ENPP6: variants seen among roughly 807,000 people sequenced by gnomAD.
ENPP6 encodes ectonucleotide pyrophosphatase/phosphodiesterase 6.
In ENPP6, 32 loss-of-function variants were observed where a neutral mutation model predicts 42.0. The observed-to-expected ratio is 0.76, with a 90% CI of 0.58 to 1.02. ENPP6 has a LOEUF of 1.02. Ranked by LOEUF, ENPP6 falls within the 50% of genes least tolerant of loss-of-function variation. ENPP6 has a pLI of 0.00. For synonymous variants in ENPP6, 213 were observed against 216.0 expected, an observed-to-expected ratio of 0.99 and a Z score of 0.12; for missense variants, 552 against 566.8, an observed-to-expected ratio of 0.97 and a Z score of 0.27.
intron 1 of ENPP6, among the ~76,000 whole-genome samples, chr4:184,197,709 T>C (rs1379294478): frequency 6.6e-6 from 1 of 152,334 alleles, no homozygotes; most frequent in Admixed American, 6.5e-5. Flanking sequence ...GTGGATTTTG[T>C]TACATATTCC....
chr4:184,126,456 T>C (rs1335494954), intron 2 of ENPP6, among the ~76,000 whole-genome samples: 1 of 152,332 alleles, frequency 6.6e-6, no homozygotes, highest in East Asian at 1.9e-4. Context: ...AATTTTAATT[T>C]AAACAAACAT....
At chr4:184,117,490 T>C (rs1736339353) in intron 4 of ENPP6, among the ~76,000 whole-genome samples, 1 of 152,188 alleles carries the variant, frequency 6.6e-6, no homozygotes, top group Non-Finnish European at 1.5e-5. Flanking sequence ...ACCAAACTTA[T>C]TAGGAGTCCA....
At chr4:184,151,725 G>A (rs2111076249) in intron 2 of ENPP6, among the ~76,000 whole-genome samples, 1 of 152,116 alleles carries the variant, frequency 6.6e-6, no homozygotes, top group East Asian at 1.9e-4. Context: ...GTATGAATTT[G>A]TTGATAATAA....
intron 1 of ENPP6, among the ~76,000 whole-genome samples, chr4:184,173,232 G>C (rs1321929418): frequency 1.3e-5 from 2 of 152,136 alleles, no homozygotes; most frequent in African/African-American, 4.8e-5. Flanking sequence ...GTGTTCATTG[G>C]AGCCTTGGAC....
intron 6 of ENPP6, among the ~76,000 whole-genome samples, chr4:184,109,838 T>A (rs967932975): frequency 2.1e-5 from 3 of 145,792 alleles, no homozygotes; most frequent in Admixed American, 2.0e-4. Flanking sequence ...TCTGATTTAT[T>A]CAGACAAACG....
At chr4:184,172,930 T>C (rs1737493481) in intron 1 of ENPP6, among the ~76,000 whole-genome samples, 1 of 152,170 alleles carries the variant, frequency 6.6e-6, no homozygotes, top group Admixed American at 6.5e-5. Context: ...TGTGTTTTAA[T>C]TGAGATGAAG....
intron 2 of ENPP6, among the ~76,000 whole-genome samples, chr4:184,136,949 T>C (rs1736738884): frequency 6.6e-6 from 1 of 152,358 alleles, no homozygotes; most frequent in African/African-American, 2.4e-5. Context: ...ATCCCGCATG[T>C]CTCTTACATT....
At position 184,110,423 on chromosome 4, in the gene ENPP6, G is replaced by A. The variant is rs148744525; in HGVS notation, c.993+2249C>T. Among the ~76,000 whole-genome samples, 713 of 152,306 alleles carry A rather than the reference G, an allele frequency of 4.7e-3. 8 individuals are homozygous for A. The highest frequency in any genetic ancestry group is 0.014 in the Middle Eastern group (4 of 294). Reference sequence around the variant, plus strand: ...TTATGCACCAAGGCTCCTCATGTGTGTGAACTTCTTCCAAATCCCTGTACC... The same window carrying A: ...TTATGCACCAAGGCTCCTCATGTGTATGAACTTCTTCCAAATCCCTGTACC... On this transcript the variant is annotated intron_variant, in intron 6 of 7. Coordinates refer to ENST00000296741, the MANE Select transcript of ENPP6 (RefSeq NM_153343.4).
chr4:184,099,061 G>A (rs1735957662), intron 6 of ENPP6, among the ~76,000 whole-genome samples: 1 of 152,166 alleles, frequency 6.6e-6, no homozygotes, highest in African/African-American at 2.4e-5. Flanking sequence ...GATACCATTT[G>A]CCCCATTTTG....
At chr4:184,160,913 A>T (rs372314012) in intron 1 of ENPP6, among the ~76,000 whole-genome samples, 1 of 152,222 alleles carries the variant, frequency 6.6e-6, no homozygotes, top group Non-Finnish European at 1.5e-5. Context: ...GGTGAATTTT[A>T]TTGGGGATTC....
intron 1 of ENPP6, among the ~76,000 whole-genome samples, chr4:184,185,997 G>A (rs1471557573): frequency 3.3e-5 from 5 of 152,180 alleles, no homozygotes; most frequent in African/African-American, 9.7e-5. Flanking sequence ...AGGATTTAGC[G>A]GTGAAGTGTC....
At chr4:184,134,220 G>C (rs10003995) in intron 2 of ENPP6, among the ~76,000 whole-genome samples, 96,904 of 151,560 alleles carry the variant, frequency 0.64, 31,309 homozygotes, top group Non-Finnish European at 0.68. Flanking sequence ...CTCTGGGGAT[G>C]TTCTTGCCTC....
At position 184,106,003 on chromosome 4, in the gene ENPP6, G is replaced by T. The variant is rs1736083811; in HGVS notation, c.993+6669C>A. Among the ~76,000 whole-genome samples the T allele has an allele frequency of 2.0e-5, 3 of 151,542 alleles. No individual in the cohort carries two copies. The South Asian group carries it at 6.3e-4, about 32-fold the overall frequency. Reference sequence around the variant, plus strand: ...ATCCTCCCCTGTAAAAATTCCCTGTGGTTTCCCACTGAACTTAAGATCAAA... The same window carrying T: ...ATCCTCCCCTGTAAAAATTCCCTGTTGTTTCCCACTGAACTTAAGATCAAA... On this transcript the variant is annotated intron_variant, in intron 6 of 7. Transcript: ENST00000296741.
intron 6 of ENPP6, among the ~76,000 whole-genome samples, chr4:184,106,554 G>A (rs935629221): frequency 1.3e-5 from 2 of 151,872 alleles, no homozygotes; most frequent in Non-Finnish European, 2.9e-5. Context: ...TCCTCTTCCC[G>A]CCTGACCACT....
At chr4:184,209,976 C>T (rs1380259433) in intron 1 of ENPP6, among the ~76,000 whole-genome samples, 1 of 143,344 alleles carries the variant, frequency 7.0e-6, no homozygotes, top group African/African-American at 2.7e-5. Context: ...ATTTCATATC[C>T]AGCCAAACTA....
At chr4:184,183,581 C>A (rs1283452157) in intron 1 of ENPP6, among the ~76,000 whole-genome samples, 1 of 152,198 alleles carries the variant, frequency 6.6e-6, no homozygotes, top group Admixed American at 6.5e-5. Context: ...CCCACTAGGT[C>A]AGTGGTGTTC....
At chr4:184,171,007 G>A (rs1034655382) in intron 1 of ENPP6, among the ~76,000 whole-genome samples, 11 of 152,220 alleles carry the variant, frequency 7.2e-5, no homozygotes, top group African/African-American at 2.2e-4. Flanking sequence ...ATTGAAGTGA[G>A]GGGGTGGATC....
intron 1 of ENPP6, among the ~76,000 whole-genome samples, chr4:184,183,427 A>C (rs1355626917): frequency 1.3e-5 from 2 of 152,188 alleles, no homozygotes; most frequent in Admixed American, 6.5e-5. Flanking sequence ...GAGAGATTAG[A>C]TATTCTGTAG....
chr4:184,208,657 T>G (rs940196150), intron 1 of ENPP6, among the ~76,000 whole-genome samples: 3 of 148,308 alleles, frequency 2.0e-5, no homozygotes, highest in Admixed American at 1.3e-4. Flanking sequence ...GCAGCGAGGC[T>G]GGGGGAGGGG....
Sources: allele counts gnomAD v4.1 joint callset (sites outside exome capture counted in the v4.1 genomes callset), GRCh38; gene constraint gnomAD v4.1.1; transcripts MANE v1.5; gene names NCBI Gene and HGNC (gene_info 2026-07-23, HGNC 2026-07-21).